TAPBPL: variants seen among roughly 807,000 people sequenced by gnomAD.
TAPBPL encodes the protein tapasin-related protein.
TAPBPL carries 32 observed loss-of-function variants against 44.8 expected under a neutral mutation model. The ratio of observed to expected loss-of-function variants is 0.71; its 90% CI spans 0.54 to 0.96. The LOEUF is 0.96. Among genes scored for constraint, TAPBPL ranks in the 40% least tolerant of loss-of-function variants. TAPBPL has a pLI of 0.00. For missense variants in TAPBPL, 520 were observed against 586.6 expected (o/e 0.89, Z 1.17); for synonymous variants, 230 against 240.7 (o/e 0.96, Z 0.41).
At position 6,453,846 on chromosome 12, in the gene TAPBPL, C is replaced by A; in HGVS notation, c.565+130C>A. 2 of 1,227,266 alleles carry A rather than the reference C, an allele frequency of 1.6e-6. No individual in the cohort carries two copies. Among genetic ancestry groups the A allele is most frequent in the South Asian group, 1.6e-5 (1 of 61,940 alleles). 76.0% of individuals were successfully genotyped at this position (1,227,266 alleles called of 1,614,324 possible). A position where few individuals can be genotyped will look rare whatever the true frequency, so the allele number is the denominator to read the frequency against. On this transcript the variant is annotated intron_variant, in intron 3 of 6. Coordinates refer to ENST00000266556, the MANE Select transcript of TAPBPL (RefSeq NM_018009.5). This position sits in a 1 kb window ranked among gnomAD's most constrained non-coding sequence, Gnocchi z 4.8. ...CAGCCTGGTCAACACGGTGAAACCC[C>A]GTCTCTACTAATACCAAAATTAGCC...
At chr12:6,459,038 TCCA>T in intron 5 of TAPBPL, 91 bp downstream of exon 5, 1 of 1,425,384 alleles carries the variant, frequency 7.0e-7, no homozygotes, top group Non-Finnish European at 9.4e-7. Flanking sequence ...CTGCTGCCCA[TCCA>T]CTTTGTTCGC....
At chr12:6,463,082 C>G, downstream of TAPBPL, 7 of 1,530,274 alleles carry the variant, frequency 4.6e-6, no homozygotes, top group Non-Finnish European at 6.1e-6. The surrounding 1 kb of genome is among the most constrained non-coding windows in gnomAD (Gnocchi z 4.0). Context: ...ATAGCCCATC[C>G]TGAAGCTCAG....
At chr12:6,454,599 C>A (rs1414798280) in intron 3 of TAPBPL, among the ~76,000 whole-genome samples, 1 of 152,150 alleles carries the variant, frequency 6.6e-6, no homozygotes, top group African/African-American at 2.4e-5. Context: ...CACTGGGCTG[C>A]CATGAGGAAA....
chr12:6,463,868 G>A (rs1279199111), downstream of TAPBPL: 15 of 1,267,092 alleles, frequency 1.2e-5, no homozygotes, highest in Admixed American at 2.5e-5. The surrounding 1 kb of genome is among the most constrained non-coding windows in gnomAD (Gnocchi z 4.0). Context: ...CCAAAGACAC[G>A]GAAAATCCTG....
Position 6,457,752 on chromosome 12 carries a change from C to A in TAPBPL, c.904+8C>A. On this transcript the variant is annotated splice_region_variant and intron_variant, in intron 4 of 6. Transcript: ENST00000266556. ...TCCAGCTCAACATCCAAGGTGAGGC[C>A]AGGACATGGTTATCCCAGGGAAGGG... 6.4e-7 allele frequency: 1 copy of A among 1,566,480 alleles called. No homozygotes were observed. The highest frequency in any genetic ancestry group is 8.7e-7 in the Non-Finnish European group (1 of 1,150,262).
At chr12:6,462,986 GGAA>G, downstream of TAPBPL, 2 of 1,551,070 alleles carry the variant, frequency 1.3e-6, no homozygotes, top group Non-Finnish European at 1.7e-6. Context: ...GTGGACCGAG[GGAA>G]GAAGGAATAA....
At chr12:6,460,460 T>C (rs1426360117) in intron 5 of TAPBPL, among the ~76,000 whole-genome samples, 1 of 151,840 alleles carries the variant, frequency 6.6e-6, no homozygotes, top group East Asian at 1.9e-4. Flanking sequence ...ACAGACAGGG[T>C]TTCACCATGT....
At chr12:6,470,840 A>C, downstream of TAPBPL, 1 of 485,004 alleles carries the variant, frequency 2.1e-6, no homozygotes, top group Non-Finnish European at 3.7e-6. Flanking sequence ...CTCTCATCCG[A>C]CTCCGGAAAG....
chr12:6,463,899 C>T, downstream of TAPBPL: 1 of 1,285,654 alleles, frequency 7.8e-7, no homozygotes, highest in Non-Finnish European at 1.0e-6. The surrounding 1 kb of genome is among the most constrained non-coding windows in gnomAD (Gnocchi z 4.0). Flanking sequence ...TTAGAAATAA[C>T]TACAAAAAAC....
chr12:6,466,454 G>A, downstream of TAPBPL: 2 of 1,346,658 alleles, frequency 1.5e-6, no homozygotes, highest in Non-Finnish European at 2.0e-6. Flanking sequence ...AGGCTGAAGT[G>A]GGAGGAGCGC....
At chr12:6,470,594 G>C (rs1480142434), downstream of TAPBPL, 1 of 1,606,040 alleles carries the variant, frequency 6.2e-7, no homozygotes. Context: ...CACCCGGTGA[G>C]GGACGCTGCG....
intron 1 of TAPBPL, chr12:6,452,610 G>C: frequency 1.5e-6 from 2 of 1,321,218 alleles, no homozygotes; most frequent in Non-Finnish European, 1.9e-6. Context: ...AAGAGGAAAG[G>C]ACTCCCCAGG....
chr12:6,465,241 A>G, downstream of TAPBPL: 1 of 458,040 alleles, frequency 2.2e-6, no homozygotes, highest in Admixed American at 2.7e-5. Flanking sequence ...GACTCTGGAT[A>G]TTTAACCAAT....
At chr12:6,455,115 A>C (rs548451388) in intron 3 of TAPBPL, among the ~76,000 whole-genome samples, 75 of 152,094 alleles carry the variant, frequency 4.9e-4, no homozygotes, top group African/African-American at 1.8e-3. Context: ...ACACCTATAT[A>C]CCCTACACCT....
At chr12:6,452,411 A>G in intron 1 of TAPBPL, 99 bp downstream of exon 1, 1 of 1,485,854 alleles carries the variant, frequency 6.7e-7, no homozygotes, top group Non-Finnish European at 9.0e-7. Flanking sequence ...GGGGCCGGGG[A>G]TGACCCCATC....
intron 5 of TAPBPL, among the ~76,000 whole-genome samples, chr12:6,459,179 T>C (rs528479630): frequency 2.6e-5 from 4 of 152,170 alleles, no homozygotes; most frequent in Non-Finnish European, 5.9e-5. Context: ...GCAATGTGCT[T>C]AAGGCTGGAG....
At chr12:6,469,284 G>A (rs528822484), downstream of TAPBPL, among the ~76,000 whole-genome samples, 1 of 152,264 alleles carries the variant, frequency 6.6e-6, no homozygotes, top group African/African-American at 2.4e-5. Flanking sequence ...AGCCAGTGTT[G>A]GAAGCAGTCC....
intron 5 of TAPBPL, among the ~76,000 whole-genome samples, chr12:6,459,760 A>ATTTATTTAT (rs1555127447): frequency 1.8e-5 from 2 of 110,394 alleles, no homozygotes; most frequent in Non-Finnish European, 3.8e-5. Context: ...TTATTTATTT[A>ATTTATTTAT]TTTATTTTAT....
At chr12:6,469,380 C>G (rs1001685370), downstream of TAPBPL, among the ~76,000 whole-genome samples, 4 of 152,194 alleles carry the variant, frequency 2.6e-5, no homozygotes, top group African/African-American at 9.7e-5. Flanking sequence ...GCCTTCTGTT[C>G]ATCCCACGTA....
Sources: allele counts gnomAD v4.1 joint callset (sites outside exome capture counted in the v4.1 genomes callset), GRCh38; gene constraint gnomAD v4.1.1; non-coding constraint Gnocchi (gnomAD v3.1); transcripts MANE v1.5; gene names NCBI Gene and HGNC (gene_info 2026-07-23, HGNC 2026-07-21).